Variants in CPQ observed in about 807,000 individuals in gnomAD.
The protein encoded by CPQ is carboxypeptidase Q.
A neutral mutation model predicts 45.7 loss-of-function variants in CPQ; 37 were observed. That is an observed-to-expected ratio of 0.81 (90% CI 0.62 to 1.07). The LOEUF is 1.07. Among genes scored for constraint, CPQ ranks in the 50% least tolerant of loss-of-function variants. The pLI, the probability that CPQ is intolerant of heterozygous loss-of-function variation, is 0.00. For synonymous variants in CPQ, 186 were observed against 205.8 expected, an observed-to-expected ratio of 0.90 and a Z score of 0.82; for missense variants, 537 against 572.9, an observed-to-expected ratio of 0.94 and a Z score of 0.64.
At chr8:97,109,260 A>G (rs1284563612) in intron 7 of CPQ, among the ~76,000 whole-genome samples, 1 of 152,104 alleles carries the variant, frequency 6.6e-6, no homozygotes, top group Non-Finnish European at 1.5e-5. Flanking sequence ...CACATTGGCA[A>G]TGATCTCCAC....
At chr8:96,824,617 G>T (rs1811353653) in intron 2 of CPQ, among the ~76,000 whole-genome samples, 2 of 152,040 alleles carry the variant, frequency 1.3e-5, no homozygotes, top group East Asian at 1.9e-4. Flanking sequence ...ATGGCTCGGG[G>T]ATTACAAATG....
chr8:96,998,600 C>T (rs1809215982), intron 5 of CPQ, among the ~76,000 whole-genome samples: 2 of 151,746 alleles, frequency 1.3e-5, no homozygotes, highest in Non-Finnish European at 2.9e-5. Context: ...TCATGCCAAG[C>T]AAGATGAAAA....
At chr8:96,854,557 A>AAACAC (rs1554573253) in intron 3 of CPQ, among the ~76,000 whole-genome samples, 5,841 of 76,854 alleles carry the variant, frequency 0.076, 1,584 homozygotes, top group Non-Finnish European at 0.088. Flanking sequence ...AAAAAAAAAA[A>AAACAC]AATGTGGTGG....
At chr8:97,061,492 A>T (rs1166121348) in intron 6 of CPQ, among the ~76,000 whole-genome samples, 2 of 152,162 alleles carry the variant, frequency 1.3e-5, no homozygotes, top group Non-Finnish European at 2.9e-5. Flanking sequence ...AGGAGGTAGA[A>T]GCAATTCCTC....
chr8:97,134,261 G>A (rs1812008472), intron 7 of CPQ, among the ~76,000 whole-genome samples: 1 of 152,208 alleles, frequency 6.6e-6, no homozygotes, highest in South Asian at 2.1e-4. Context: ...CTCTTAAGGA[G>A]CTTACATTCT....
intron 7 of CPQ, among the ~76,000 whole-genome samples, chr8:97,106,829 G>A (rs1013293056): frequency 6.6e-6 from 1 of 152,200 alleles, no homozygotes; most frequent in Non-Finnish European, 1.5e-5. Context: ...CCGAGAAAGA[G>A]AGGCCAGTAT....
chr8:97,122,997 T>A (rs1468221475), intron 7 of CPQ, among the ~76,000 whole-genome samples: 10 of 35,956 alleles, frequency 2.8e-4, no homozygotes, highest in East Asian at 8.0e-4. Flanking sequence ...TAAAATAAAA[T>A]AAAATATAAA....
intron 5 of CPQ, among the ~76,000 whole-genome samples, chr8:96,971,394 G>A (rs1373232108): frequency 1.3e-5 from 2 of 152,174 alleles, no homozygotes; most frequent in South Asian, 2.1e-4. Flanking sequence ...CAAAATGAAC[G>A]TAGTATTATT....
At chr8:96,901,201 A>C (rs1812508787) in intron 4 of CPQ, among the ~76,000 whole-genome samples, 1 of 152,192 alleles carries the variant, frequency 6.6e-6, no homozygotes, top group South Asian at 2.1e-4. Flanking sequence ...ATAAAAGCTC[A>C]GTTATTTCAG....
intron 5 of CPQ, among the ~76,000 whole-genome samples, chr8:96,978,225 A>T (rs1278897117): frequency 6.6e-6 from 1 of 152,150 alleles, no homozygotes; most frequent in African/African-American, 2.4e-5. Flanking sequence ...AGGTTTGAAC[A>T]CATTTAGAAG....
chr8:96,931,713 C>T (rs888701303), intron 4 of CPQ, among the ~76,000 whole-genome samples: 2 of 152,198 alleles, frequency 1.3e-5, no homozygotes, highest in Non-Finnish European at 2.9e-5. Context: ...GTCTGAGTGT[C>T]TCAGACTTCG....
At chr8:96,939,696 A>G (rs898887345) in intron 4 of CPQ, among the ~76,000 whole-genome samples, 1 of 152,054 alleles carries the variant, frequency 6.6e-6, no homozygotes, top group Non-Finnish European at 1.5e-5. Flanking sequence ...ATATGCCGCA[A>G]TTCACCTCTC....
At chr8:96,868,835 G>C (rs1812027137) in intron 3 of CPQ, among the ~76,000 whole-genome samples, 2 of 151,620 alleles carry the variant, frequency 1.3e-5, no homozygotes, top group Middle Eastern at 3.4e-3. Flanking sequence ...CATTTTAATG[G>C]CTGCAAAATA....
intron 2 of CPQ, among the ~76,000 whole-genome samples, chr8:96,797,942 T>G (rs1319803038): frequency 6.6e-6 from 1 of 151,760 alleles, no homozygotes; most frequent in African/African-American, 2.4e-5. Context: ...TCCCAGCTAC[T>G]CAGGAGGCTA....
intron 7 of CPQ, among the ~76,000 whole-genome samples, chr8:97,110,504 T>C (rs543206593): frequency 6.6e-6 from 1 of 152,302 alleles, no homozygotes; most frequent in East Asian, 1.9e-4. Context: ...AGGTCACAGG[T>C]TAAATATATG....
intron 4 of CPQ, among the ~76,000 whole-genome samples, chr8:96,881,270 G>T (rs558929522): frequency 6.6e-6 from 1 of 152,152 alleles, no homozygotes; most frequent in East Asian, 1.9e-4. Context: ...AAGCATGGCG[G>T]CATCTGCTTC....
chr8:97,083,315 A>C (rs1194207509), intron 7 of CPQ, among the ~76,000 whole-genome samples: 1 of 152,160 alleles, frequency 6.6e-6, no homozygotes, highest in Admixed American at 6.6e-5. Context: ...AGAGAGGATG[A>C]CTGGGCATGT....
At chr8:96,745,907 C>T (rs1438329136) in intron 1 of CPQ, among the ~76,000 whole-genome samples, 2 of 152,178 alleles carry the variant, frequency 1.3e-5, no homozygotes, top group Non-Finnish European at 2.9e-5. Context: ...GGAAGTTGTA[C>T]TTTAGAACAG....
intron 1 of CPQ, among the ~76,000 whole-genome samples, chr8:96,722,125 T>G (rs1375649939): frequency 2.0e-5 from 3 of 152,198 alleles, no homozygotes; most frequent in Admixed American, 2.0e-4. Context: ...CAGTGCTATA[T>G]CCATAGTGCT....
Sources: gnomAD v4.1 joint callset for allele counts (sites outside exome capture counted in the v4.1 genomes callset) on GRCh38, gnomAD v4.1.1 for gene constraint, MANE v1.5 for transcripts, NCBI Gene and HGNC (gene_info 2026-07-23, HGNC 2026-07-21) for gene names.